The following LVRN variants were observed in gnomAD, a reference collection of about 807,000 sequenced individuals.
LVRN encodes the protein aminopeptidase Q.
A neutral mutation model predicts 111.4 loss-of-function variants in LVRN; 99 were observed. That is an observed-to-expected ratio of 0.89 (90% confidence interval 0.76 to 1.05). The LOEUF is 1.05. Ranked by LOEUF, LVRN falls within the 50% of genes least tolerant of loss-of-function variation. The probability of loss-of-function intolerance (pLI) is 0.00; values close to 1 mark genes in which losing one functional copy is unlikely to be tolerated. For missense variants in LVRN, 1,414 were observed against 1,206.8 expected, an observed-to-expected ratio of 1.17 and a Z score of -2.54; for synonymous variants, 488 against 449.5, an observed-to-expected ratio of 1.09 and a Z score of -1.08.
chr5:115,965,597 C>T (rs1004740489), intron 1 of LVRN, among the ~76,000 whole-genome samples: 1 of 152,094 alleles, frequency 6.6e-6, no homozygotes, highest in Admixed American at 6.5e-5. Context: ...GTTGTGTCCC[C>T]ACGCAAATCT....
At chr5:115,991,200 T>C (rs540001762) in intron 4 of LVRN, among the ~76,000 whole-genome samples, 1 of 152,282 alleles carries the variant, frequency 6.6e-6, no homozygotes, top group Non-Finnish European at 1.5e-5. Context: ...CATCTATTTA[T>C]CCTCCCCTGC....
intron 15 of LVRN, among the ~76,000 whole-genome samples, chr5:116,013,978 A>G (rs553619699): frequency 1.3e-5 from 2 of 152,348 alleles, no homozygotes; most frequent in East Asian, 3.9e-4. Flanking sequence ...GTAGAAGGAG[A>G]GAAATGAACT....
rs549343036 is a variant in LVRN, at chr5:116,010,729, T to C, written c.2094-12T>C. 1 of 1,579,660 alleles carries C rather than the reference T, an allele frequency of 6.3e-7. No homozygotes were observed. Among genetic ancestry groups the C allele is most frequent in the Non-Finnish European group, 8.6e-7 (1 of 1,163,456 alleles). On this transcript the variant is annotated splice_polypyrimidine_tract_variant and intron_variant, in intron 13 of 19. Coordinates refer to ENST00000357872, the MANE Select transcript of LVRN (RefSeq NM_173800.5). ...AAGGTTTTTTGAGTGTGTGTGTTTT[T>C]AAATCAAACAGAAACAATTATATTG...
At position 116,010,875 on chromosome 5, in the gene LVRN, A is replaced by G. The variant is rs754365663; in HGVS notation, c.2228A>G (p.Asp743Gly). 1.3e-6 allele frequency: 2 copies of G among 1,588,324 alleles called. No homozygotes were observed. Among genetic ancestry groups the G allele is most frequent in the Non-Finnish European group, 8.5e-7 (1 of 1,170,198 alleles). The change falls in exon 14 of 20, where the codon GAT becomes GGT. Residue 743 changes from aspartate to glycine, a missense_variant. By Grantham distance (94) the Asp-to-Gly change is moderately conservative. Coordinates refer to ENST00000357872, the MANE Select transcript of LVRN (RefSeq NM_173800.5). ...CTTGTTTCTGAGGTGAACATCTATG[A>G]TATATACTCATTATTAAAGGTAATT... ...RDLVSEVNIY[D>G]IYSLLKRYLL...
chr5:115,963,660 A>G (rs1390339550), intron 1 of LVRN, among the ~76,000 whole-genome samples: 1 of 152,188 alleles, frequency 6.6e-6, no homozygotes, highest in Non-Finnish European at 1.5e-5. Flanking sequence ...TTGAACAATG[A>G]GAACACTTGG....
chr5:115,994,043 T>A (rs1389163109), intron 6 of LVRN, among the ~76,000 whole-genome samples, 189 bp downstream of exon 6: 1 of 100,456 alleles, frequency 1.0e-5, no homozygotes, highest in East Asian at 7.1e-4. Flanking sequence ...ATTGTAAATG[T>A]TTTTGAAGGT....
At position 116,007,996 on chromosome 5, in the gene LVRN, C is replaced by T. The variant is rs116164079; in HGVS notation, c.2093+2029C>T. Among the ~76,000 whole-genome samples the T allele has an allele frequency of 6.3e-3, 955 of 152,264 alleles. 11 individuals carry two copies. The highest frequency in any genetic ancestry group is 0.021 in the African/African-American group (889 of 41,538). ...CTGACTGCTGCACTGGCCAGCCATT[C>T]CTCCATCTCTCTCCCTCTTCTTTGG... On this transcript the variant is annotated intron_variant, in intron 13 of 19. Coordinates refer to ENST00000357872, the MANE Select transcript of LVRN (RefSeq NM_173800.5).
chr5:116,011,834 G>T (rs867373510), intron 14 of LVRN, among the ~76,000 whole-genome samples: 1 of 152,110 alleles, frequency 6.6e-6, no homozygotes, highest in Admixed American at 6.6e-5. Flanking sequence ...TTAATTCTTA[G>T]GGATGTATTA....
chr5:115,981,430 CT>C (rs1480929565), intron 1 of LVRN, among the ~76,000 whole-genome samples: 4 of 151,992 alleles, frequency 2.6e-5, no homozygotes, highest in African/African-American at 9.7e-5. Context: ...CCCTAGAACA[CT>C]TTTTTTCAAT....
intron 1 of LVRN, among the ~76,000 whole-genome samples, chr5:115,979,663 T>A (rs1753522003): frequency 1.3e-5 from 2 of 152,204 alleles, no homozygotes; most frequent in Non-Finnish European, 2.9e-5. Flanking sequence ...CAGATTCTAT[T>A]ACACAAGTAA....
chr5:115,997,518 G>A lies in LVRN; in HGVS notation c.1375-2244G>A, dbSNP rs34555083. ...GTCTCTACTAAAATTTTTTTAATTA[G>A]CAGGGCATGGTGCTGCACCCTTGTA... On this transcript the variant is annotated intron_variant, in intron 6 of 19. Coordinates refer to ENST00000357872, the MANE Select transcript of LVRN (RefSeq NM_173800.5). 9.3e-4 allele frequency among the ~76,000 whole-genome samples: 141 copies of A among 151,728 alleles called. 2 individuals are homozygous for A. Among genetic ancestry groups the A allele is most frequent in the Middle Eastern group, 3.4e-3 (1 of 294 alleles).
intron 13 of LVRN, chr5:116,010,517 T>C: frequency 1.7e-6 from 1 of 589,048 alleles, no homozygotes; most frequent in African/African-American, 1.8e-5. Context: ...TTCTCTAGCC[T>C]TCAAGACTTT....
chr5:115,984,571 T>G lies in LVRN; in HGVS notation c.840T>G (p.Gly280=), dbSNP rs1747805356. Residue 280 remains glycine (G), a splice_region_variant and synonymous_variant, in exon 3 of 20, where the codon GGT becomes GGG. Coordinates refer to ENST00000357872, the MANE Select transcript of LVRN (RefSeq NM_173800.5). Reference sequence around the variant, plus strand: ...TTGAACTAAAATAAAATTCTCTAGGTCAGTCTGAAAAAGAAGATGTGAATG... The same window carrying G: ...TTGAACTAAAATAAAATTCTCTAGGGCAGTCTGAAAAAGAAGATGTGAATG... ...YVALSNMPKL[G]QSEKEDVNGS... 1 of 1,613,010 alleles carries G rather than the reference T, an allele frequency of 6.2e-7. No homozygotes were observed. The highest frequency in any genetic ancestry group is 1.3e-5 in the African/African-American group (1 of 74,850).
chr5:116,010,392 A>G (rs935318129), intron 13 of LVRN: 2 of 359,476 alleles, frequency 5.6e-6, no homozygotes, highest in Admixed American at 3.3e-5. Context: ...AGCATTAGAT[A>G]GAGAATGACT....
chr5:115,988,953 C>T (rs1431617948), intron 4 of LVRN, among the ~76,000 whole-genome samples: 1 of 152,142 alleles, frequency 6.6e-6, no homozygotes, highest in African/African-American at 2.4e-5. Context: ...CCTTGACATC[C>T]TGTCCCCTTG....
chr5:116,005,657 G>T (rs1189547938), intron 12 of LVRN: 1 of 509,008 alleles, frequency 2.0e-6, no homozygotes, highest in Non-Finnish European at 3.6e-6. Flanking sequence ...TATGTTTCAG[G>T]AGTATTTTGG....
At position 116,027,061 on chromosome 5, in the gene LVRN, T is replaced by G. The variant is rs550697485; in HGVS notation, c.*943T>G. On this transcript the variant is annotated 3_prime_UTR_variant, in exon 20 of 20. Transcript: ENST00000357872. ...TCAGGGGATTAAGTTTGAAACATAG[T>G]GTCTTTTGGCCAAATTGAACCTACT... The G allele has an allele frequency of 6.6e-6, 1 of 152,300 alleles. No homozygotes were observed. Among genetic ancestry groups the G allele is most frequent in the South Asian group, 2.1e-4 (1 of 4,814 alleles). 9.4% of individuals were successfully genotyped at this position (152,300 alleles called of 1,614,324 possible).
intron 18 of LVRN, chr5:116,022,059 T>C: frequency 4.4e-6 from 1 of 226,110 alleles, no homozygotes; most frequent in South Asian, 6.8e-5. Flanking sequence ...GGGCATAATT[T>C]ATATATTTAT....
chr5:116,005,801 A>G (rs769534075), intron 12 of LVRN, 111 bp from the exon 13 acceptor site: 37 of 827,672 alleles, frequency 4.5e-5, no homozygotes, highest in Non-Finnish European at 4.6e-5. Context: ...GAGATAAGTC[A>G]CGTGAAGGTG....
Sources: allele counts gnomAD v4.1 joint callset (sites outside exome capture counted in the v4.1 genomes callset), GRCh38; gene constraint gnomAD v4.1.1; transcripts MANE v1.5; gene names NCBI Gene and HGNC (gene_info 2026-07-23, HGNC 2026-07-21).